Variants in ESRRB observed in about 807,000 individuals in gnomAD.
The protein encoded by ESRRB is estrogen related receptor beta, also known as steroid hormone receptor ERR2.
Under a neutral mutation model 46.0 loss-of-function variants are expected in ESRRB, and 16 were observed. The observed-to-expected ratio is 0.35, with a 90% CI of 0.24 to 0.53. ESRRB has a LOEUF of 0.53. Among genes scored for constraint, ESRRB ranks in the 20% least tolerant of loss-of-function variants. The pLI is 0.93. For synonymous variants in ESRRB, 246 were observed against 259.6 expected (o/e 0.95, Z 0.50); for missense variants, 488 against 607.4 (o/e 0.80, Z 2.07).
At chr14:76,493,200 G>A (rs1890292324) in intron 6 of ESRRB, among the ~76,000 whole-genome samples, 1 of 152,096 alleles carries the variant, frequency 6.6e-6, no homozygotes, top group Non-Finnish European at 1.5e-5. Context: ...TGTGGCCTGG[G>A]CTGGCGTGCA....
chr14:76,474,577 A>G (rs1889498804), intron 3 of ESRRB, among the ~76,000 whole-genome samples: 1 of 152,200 alleles, frequency 6.6e-6, no homozygotes, highest in African/African-American at 2.4e-5. Context: ...ACTGTGGCTC[A>G]TGCCTGTAAT....
chr14:76,341,077 G>A (rs1299142643), intron 1 of ESRRB, among the ~76,000 whole-genome samples: 1 of 152,070 alleles, frequency 6.6e-6, no homozygotes, highest in Non-Finnish European at 1.5e-5. Flanking sequence ...GTTTCCCCAA[G>A]CCCCCTCTAA....
intron 1 of ESRRB, among the ~76,000 whole-genome samples, chr14:76,382,654 A>G (rs1353056967): frequency 1.3e-5 from 2 of 152,220 alleles, no homozygotes; most frequent in African/African-American, 4.8e-5. Context: ...TGGGATGTTC[A>G]CTATGGAGTT....
intron 1 of ESRRB, among the ~76,000 whole-genome samples, chr14:76,330,352 A>G (rs1883998166): frequency 6.6e-6 from 1 of 152,202 alleles, no homozygotes; most frequent in Non-Finnish European, 1.5e-5. Flanking sequence ...ACAGTGGCAG[A>G]GGGGCTCCAG....
At chr14:76,323,746 C>A (rs927871706) in intron 1 of ESRRB, among the ~76,000 whole-genome samples, 5 of 152,136 alleles carry the variant, frequency 3.3e-5, no homozygotes, top group Non-Finnish European at 5.9e-5. Flanking sequence ...GGGTGAATTG[C>A]GTGGGATCTG....
intron 1 of ESRRB, among the ~76,000 whole-genome samples, chr14:76,340,372 TC>T (rs1884177969): frequency 6.6e-6 from 1 of 152,248 alleles, no homozygotes; most frequent in Non-Finnish European, 1.5e-5. Flanking sequence ...ATCTGAGTTT[TC>T]TTTTTACTCA....
intron 1 of ESRRB, among the ~76,000 whole-genome samples, chr14:76,321,836 G>C (rs142715521): frequency 6.6e-6 from 1 of 151,246 alleles, no homozygotes; most frequent in Non-Finnish European, 1.5e-5. Context: ...GCAGTGAGCC[G>C]AGATTGTGCC....
At chr14:76,490,577 G>A (rs1326049293) in intron 5 of ESRRB, among the ~76,000 whole-genome samples, 1 of 152,354 alleles carries the variant, frequency 6.6e-6, no homozygotes, top group South Asian at 2.1e-4. Context: ...GTTTTCACAA[G>A]TTCAGCCTAC....
At chr14:76,404,586 T>C (rs58495151) in intron 1 of ESRRB, 6,029 of 152,932 alleles carry the variant, frequency 0.039, 417 homozygotes, top group African/African-American at 0.14. Flanking sequence ...GCAGCCACCT[T>C]CACCTCTTCC....
intron 1 of ESRRB, among the ~76,000 whole-genome samples, chr14:76,351,124 G>A (rs1441484935): frequency 1.3e-5 from 2 of 152,166 alleles, no homozygotes; most frequent in Non-Finnish European, 2.9e-5. Flanking sequence ...GGCCACTGTG[G>A]GGCTGGAGTG....
intron 1 of ESRRB, among the ~76,000 whole-genome samples, chr14:76,386,190 A>G: frequency 6.6e-6 from 1 of 152,200 alleles, no homozygotes; most frequent in South Asian, 2.1e-4. Flanking sequence ...GAGAGGATGA[A>G]TAGGAAATTT....
At chr14:76,402,585 G>A (rs563786959) in intron 1 of ESRRB, among the ~76,000 whole-genome samples, 1 of 152,208 alleles carries the variant, frequency 6.6e-6, no homozygotes. Flanking sequence ...CAAGAAAGCG[G>A]TCTGTCCATG....
At chr14:76,370,748 A>AG (rs553640046), upstream of ESRRB, among the ~76,000 whole-genome samples, 156 of 152,262 alleles carry the variant, frequency 1.0e-3, no homozygotes, top group African/African-American at 3.6e-3. Context: ...GGTAGTTGGT[A>AG]GGAAAAAAAA....
intron 1 of ESRRB, among the ~76,000 whole-genome samples, chr14:76,345,634 A>G (rs932233922): frequency 7.0e-5 from 10 of 142,658 alleles, no homozygotes; most frequent in Admixed American, 3.6e-4. Flanking sequence ...AACAGTGTGG[A>G]GATTCGTGAA....
At chr14:76,384,584 C>T (rs10135410) in intron 1 of ESRRB, among the ~76,000 whole-genome samples, 28 of 151,976 alleles carry the variant, frequency 1.8e-4, no homozygotes, top group Admixed American at 1.2e-3. Flanking sequence ...TGCCTTTGAA[C>T]GAAGATGGGA....
rs539995089 is a variant in ESRRB, at chr14:76,482,641, G to A, written c.732G>A (p.Lys244=). 3 of 1,614,158 alleles carry A rather than the reference G, an allele frequency of 1.9e-6. No individual in the cohort carries two copies. The Admixed American group carries it at 5.0e-5, about 27-fold the overall frequency. ...VSYLLVAEPD[K]LYAMPPPGMP... is the part of the protein sequence containing the mutation. ...ACCTACTGGTGGCTGAGCCGGACAA[G>A]CTCTATGCCATGCCTCCCCCTGGTA... is the stretch of plus-strand genomic sequence containing the variant. Residue 244 remains lysine, a synonymous_variant, in exon 5 of 7, where the codon AAG becomes AAA. Coordinates refer to ENST00000644823, the MANE Select transcript of ESRRB (RefSeq NM_001379180.1). This position sits in a 1 kb window ranked among gnomAD's most constrained non-coding sequence, Gnocchi z 4.3.
At chr14:76,450,653 AG>A (rs1888347050) in intron 2 of ESRRB, among the ~76,000 whole-genome samples, 1 of 152,126 alleles carries the variant, frequency 6.6e-6, no homozygotes, top group Non-Finnish European at 1.5e-5. Context: ...GGAGAGGGGA[AG>A]GGGGATGATT....
At chr14:76,489,022 C>T (rs1890118695) in intron 5 of ESRRB, among the ~76,000 whole-genome samples, 1 of 152,110 alleles carries the variant, frequency 6.6e-6, no homozygotes, top group African/African-American at 2.4e-5. Context: ...TAAGTTTTTG[C>T]TGAATGTCTC....
intron 1 of ESRRB, among the ~76,000 whole-genome samples, chr14:76,316,893 G>C (rs185905131): frequency 6.6e-5 from 10 of 152,242 alleles, no homozygotes; most frequent in Admixed American, 2.0e-4. Context: ...TCCCTCATTT[G>C]TCATGCTCTC....
Sources: gnomAD v4.1 joint callset for allele counts (sites outside exome capture counted in the v4.1 genomes callset) on GRCh38, gnomAD v4.1.1 for gene constraint, Gnocchi (gnomAD v3.1) non-coding constraint, MANE v1.5 for transcripts, NCBI Gene and HGNC (gene_info 2026-07-23, HGNC 2026-07-21) for gene names.